RAI1: variants seen among roughly 807,000 people sequenced by gnomAD.
The protein encoded by RAI1 is retinoic acid induced 1, also known as retinoic acid-induced protein 1.
Under a neutral mutation model 123.8 loss-of-function variants are expected in RAI1, and 9 were observed. The observed-to-expected ratio is 0.07, with a 90% confidence interval of 0.04 to 0.13. The LOEUF (loss-of-function observed/expected upper bound fraction) is 0.13, where lower values mean the gene tolerates loss of function less well. Among genes scored for constraint, RAI1 ranks in the 10% least tolerant of loss-of-function variants. The pLI, the probability that RAI1 is intolerant of heterozygous loss-of-function variation, is 1.00. For synonymous variants in RAI1, 1,231 were observed against 1,127.3 expected (o/e 1.09, Z -1.84); for missense variants, 2,256 against 2,545.8 (o/e 0.89, Z 2.45).
intron 2 of RAI1, among the ~76,000 whole-genome samples, chr17:17,780,526 G>A (rs190204349): frequency 1.1e-4 from 17 of 152,290 alleles, no homozygotes; most frequent in Non-Finnish European, 2.4e-4. Flanking sequence ...CAGGGCCTAG[G>A]ACAGGGGGAC....
rs2882552 is a variant in RAI1 at position 17,709,596 on chromosome 17, T to C, written c.-148-14432T>C. On this transcript the variant is annotated intron_variant, in intron 1 of 5. Transcript: ENST00000353383. The stretch of plus-strand genomic sequence containing the variant: ...CAGCTGCCCACTAGGTCTCTTTCCT[T>C]CCCTTCCCTGGGTCTGCCCCCAGGC... Among the ~76,000 whole-genome samples the C allele has an allele frequency of 4.7e-4, 71 of 152,026 alleles. 1 individual carries two copies. The highest frequency in any genetic ancestry group is 4.9e-4 in the Non-Finnish European group (33 of 67,978).
chr17:17,742,637 G>C (rs720856), intron 2 of RAI1, among the ~76,000 whole-genome samples: 113,892 of 152,150 alleles, frequency 0.75, 43,546 homozygotes, highest in African/African-American at 0.86. Flanking sequence ...GAGAGAGAGA[G>C]AGAAGTGTGT....
chr17:17,697,460 G>A (rs893433234), intron 1 of RAI1, among the ~76,000 whole-genome samples: 2 of 152,254 alleles, frequency 1.3e-5, no homozygotes, highest in African/African-American at 4.8e-5. Flanking sequence ...GCAGCCAACG[G>A]CCCGCTCTAA....
At chr17:17,772,486 G>A (rs1323764767) in intron 2 of RAI1, among the ~76,000 whole-genome samples, 3 of 152,128 alleles carry the variant, frequency 2.0e-5, no homozygotes, top group Admixed American at 6.5e-5. Context: ...GGGGCTCCCC[G>A]TGGCCCTCAC....
intron 1 of RAI1, among the ~76,000 whole-genome samples, chr17:17,708,645 GTTACTTTT>G (rs1915467944): frequency 2.0e-5 from 3 of 152,066 alleles, no homozygotes; most frequent in South Asian, 4.1e-4. Context: ...GAGTGAGTGG[GTTACTTTT>G]TCACATCCCT....
At position 17,799,974 on chromosome 17, in the gene RAI1, G is replaced by T. The variant is rs1321287508; in HGVS notation, c.5565+1461G>T. ...GCACCTGCTTCCCACTGCCCATGGG[G>T]ATGGCTGGAGACCTTCTCCACGCCC... On this transcript the variant is annotated intron_variant, in intron 3 of 5. Coordinates refer to ENST00000353383, the MANE Select transcript of RAI1 (RefSeq NM_030665.4). The surrounding 1 kb of genome is among the most constrained non-coding windows in gnomAD (Gnocchi z 4.5). Among the ~76,000 whole-genome samples, 1 of 152,068 alleles carries T rather than the reference G, an allele frequency of 6.6e-6. No individual in the cohort carries two copies.
At chr17:17,785,676 C>T (rs938981051) in intron 2 of RAI1, among the ~76,000 whole-genome samples, 1 of 152,236 alleles carries the variant, frequency 6.6e-6, no homozygotes, top group Admixed American at 6.5e-5. Context: ...CTCTGCACCT[C>T]CTTTCCAAGG....
At chr17:17,785,861 T>G (rs2031809445) in intron 2 of RAI1, among the ~76,000 whole-genome samples, 1 of 152,206 alleles carries the variant, frequency 6.6e-6, no homozygotes, top group Admixed American at 6.5e-5. Context: ...CAGATCCCCT[T>G]TGCATCGGTT....
chr17:17,741,091 G>GCGCA (rs891053243), intron 2 of RAI1, among the ~76,000 whole-genome samples: 53 of 120,000 alleles, frequency 4.4e-4, no homozygotes, highest in African/African-American at 1.3e-3. Context: ...AAGCGCGCGC[G>GCGCA]CACACACACA....
At position 17,795,135 on chromosome 17, in the gene RAI1, C is replaced by G. The variant is rs767362577; in HGVS notation, c.2187C>G (p.Phe729Leu). The G allele has an allele frequency of 1.2e-6, 2 of 1,613,972 alleles. No homozygotes were observed. ...PDPTTAAFDC[F>L]PDTTAASSAD... ...CCACTACAGCAGCTTTTGACTGTTT[C>G]CCGGACACAACCGCTGCCAGCTCAG... The change falls in exon 3 of 6, where the codon TTC (phenylalanine) becomes TTG (leucine). Residue 729 changes from phenylalanine (F) to leucine (L), a missense_variant. Physicochemically the swap from Phe to Leu is conservative, Grantham distance 22 (BLOSUM62 0). Around this residue, in one of 7 missense-constraint regions of RAI1, gnomAD observed 566 missense variants for 616.0 expected, o/e 0.92. Transcript: ENST00000353383. The surrounding 1 kb of genome is among the most constrained non-coding windows in gnomAD (Gnocchi z 5.9).
At position 17,796,965 on chromosome 17, in the gene RAI1, C is replaced by T. The variant is rs766830423; in HGVS notation, c.4017C>T (p.Pro1339=). 5 of 1,613,800 alleles carry T rather than the reference C, an allele frequency of 3.1e-6. No homozygotes were observed. The South Asian group carries it at 5.5e-5, about 18-fold the overall frequency. ...LEAIVQKITS[P]SLKKFACKAP... The stretch of plus-strand genomic sequence containing the variant: ...CCATCGTGCAGAAGATCACCTCGCC[C>T]AGCCTCAAGAAGTTCGCATGTAAAG... The change falls in exon 3 of 6, where the codon CCC becomes CCT. Residue 1339 remains proline (P), a synonymous_variant. Transcript: ENST00000353383. The surrounding 1 kb of genome is among the most constrained non-coding windows in gnomAD (Gnocchi z 5.8).
intron 1 of RAI1, among the ~76,000 whole-genome samples, chr17:17,687,361 G>A (rs1914677716): frequency 6.6e-6 from 1 of 152,152 alleles, no homozygotes; most frequent in African/African-American, 2.4e-5. Context: ...GGGGAAGAGT[G>A]GACTGCTCTT....
chr17:17,688,564 C>A (rs1325497385), intron 1 of RAI1, among the ~76,000 whole-genome samples: 12 of 152,136 alleles, frequency 7.9e-5, no homozygotes, highest in Admixed American at 7.9e-4. Flanking sequence ...GCTGGGATAT[C>A]ATTGCTGGGC....
chr17:17,715,227 G>T (rs116998442), intron 1 of RAI1, among the ~76,000 whole-genome samples: 2 of 152,254 alleles, frequency 1.3e-5, no homozygotes, highest in African/African-American at 2.4e-5. Flanking sequence ...GGCTCTGCCT[G>T]TTTCCTCTGC....
chr17:17,732,965 T>G (rs1357801513), intron 2 of RAI1, among the ~76,000 whole-genome samples: 1 of 152,192 alleles, frequency 6.6e-6, no homozygotes, highest in East Asian at 1.9e-4. Context: ...AAAAATAACA[T>G]TGGATTTCAC....
chr17:17,716,769 C>T (rs1203033071), intron 1 of RAI1, among the ~76,000 whole-genome samples: 1 of 152,058 alleles, frequency 6.6e-6, no homozygotes, highest in Non-Finnish European at 1.5e-5. Flanking sequence ...GGAGGGGCCT[C>T]CTGTGTGGTG....
chr17:17,760,916 G>A (rs187660425), intron 2 of RAI1, among the ~76,000 whole-genome samples: 28 of 152,032 alleles, frequency 1.8e-4, no homozygotes, highest in African/African-American at 9.6e-5. Context: ...GGTGATGGGC[G>A]TAGAGGGCTC....
At chr17:17,686,817 G>T (rs907720742) in intron 1 of RAI1, among the ~76,000 whole-genome samples, 1 of 151,806 alleles carries the variant, frequency 6.6e-6, no homozygotes. Context: ...GCAGCCAGGC[G>T]CATCGTCTCA....
intron 2 of RAI1, among the ~76,000 whole-genome samples, chr17:17,786,802 G>A (rs1387304547): frequency 1.3e-5 from 2 of 152,216 alleles, no homozygotes; most frequent in African/African-American, 4.8e-5. Context: ...GGCCAGGAGT[G>A]GTGGCTCACG....
Sources: allele counts gnomAD v4.1 joint callset (sites outside exome capture counted in the v4.1 genomes callset), GRCh38; gene constraint gnomAD v4.1.1; regional missense constraint gnomAD v4.1.1; non-coding constraint Gnocchi (gnomAD v3.1); transcripts MANE v1.5; gene names NCBI Gene and HGNC (gene_info 2026-07-23, HGNC 2026-07-21).